Variants in DNAH3 observed in about 807,000 individuals in gnomAD.
DNAH3 encodes the protein dynein axonemal heavy chain 3.
Under a neutral mutation model 432.5 loss-of-function variants are expected in DNAH3, and 332 were observed. The ratio of observed to expected loss-of-function variants is 0.77; its 90% CI spans 0.70 to 0.84. The LOEUF (loss-of-function observed/expected upper bound fraction) is 0.84. DNAH3 is among the 40% of genes least tolerant of loss of function. The pLI is 0.00. For synonymous variants in DNAH3, 1,956 were observed against 1,900.2 expected (o/e 1.03, Z -0.76); for missense variants, 4,861 against 5,114.0 (o/e 0.95, Z 1.51).
Position 20,985,895 on chromosome 16 carries a change from G to A in DNAH3, c.7027-180C>T, listed in dbSNP as rs189502284. On this transcript the variant is annotated intron_variant, in intron 47 of 61. Transcript: ENST00000261383. ...TTTTGAGACAGAGTCTCACTCTGTC[G>A]CCCAGGCTGGGGTGCAATGGTGTGA... 3.2e-4 allele frequency among the ~76,000 whole-genome samples: 48 copies of A among 151,934 alleles called. 1 individual carries two copies. Among genetic ancestry groups the A allele is most frequent in the African/African-American group, 1.1e-3 (45 of 41,448 alleles).
chr16:21,061,229 G>GT (rs2090347085), intron 25 of DNAH3, among the ~76,000 whole-genome samples: 1 of 128,822 alleles, frequency 7.8e-6, no homozygotes, highest in Non-Finnish European at 1.6e-5. Flanking sequence ...GGGGCGATAG[G>GT]CCTTTTTTTT....
At chr16:21,011,209 C>T (rs529431311) in intron 41 of DNAH3, among the ~76,000 whole-genome samples, 2 of 152,242 alleles carry the variant, frequency 1.3e-5, no homozygotes, top group South Asian at 4.1e-4. Context: ...CATGTACCAT[C>T]TCTGCAGACA....
At chr16:20,952,724 T>C (rs181218008) in intron 55 of DNAH3, among the ~76,000 whole-genome samples, 175 bp from the exon 56 acceptor site, 6 of 152,320 alleles carry the variant, frequency 3.9e-5, no homozygotes, top group Non-Finnish European at 8.8e-5. Flanking sequence ...ATGGGAGCCA[T>C]TCTGCCTGAG....
At chr16:20,987,213 C>T in intron 47 of DNAH3, 92 bp downstream of exon 47, 2 of 1,505,204 alleles carry the variant, frequency 1.3e-6, no homozygotes, top group Admixed American at 1.8e-5. Flanking sequence ...AGCTGGCAGT[C>T]TCCAACAGGA....
At chr16:21,086,787 A>G in intron 19 of DNAH3, 62 bp downstream of exon 19, 1 of 1,460,522 alleles carries the variant, frequency 6.8e-7, no homozygotes. Flanking sequence ...CTGCCTTCCC[A>G]AGGACAGTCA....
chr16:20,939,414 C>G (rs965212055), intron 59 of DNAH3, among the ~76,000 whole-genome samples: 3 of 152,138 alleles, frequency 2.0e-5, no homozygotes, highest in African/African-American at 7.2e-5. Context: ...GAGTTCGAGA[C>G]CAGCCTGGCC....
chr16:20,937,840 C>G (rs1000034165), intron 59 of DNAH3, among the ~76,000 whole-genome samples: 1 of 151,870 alleles, frequency 6.6e-6, no homozygotes, highest in Non-Finnish European at 1.5e-5. Context: ...CCTTTTTTAT[C>G]GACTATAAGG....
chr16:21,039,123 GAT>G (rs899538642), intron 33 of DNAH3, among the ~76,000 whole-genome samples: 4 of 151,248 alleles, frequency 2.6e-5, no homozygotes, highest in African/African-American at 7.3e-5. Flanking sequence ...ACTTGAATGA[GAT>G]ATAACCTAGT....
intron 5 of DNAH3, among the ~76,000 whole-genome samples, chr16:21,137,150 AC>A (rs1297303309): frequency 1.1e-4 from 16 of 151,754 alleles, no homozygotes; most frequent in Non-Finnish European, 1.9e-4. Flanking sequence ...AAACAAAAAA[AC>A]ATTAGATTTT....
At chr16:21,106,781 G>GAA in intron 14 of DNAH3, 107 bp from the exon 15 acceptor site, 1 of 962,408 alleles carries the variant, frequency 1.0e-6, no homozygotes, top group Non-Finnish European at 1.4e-6. Flanking sequence ...ATTCCTATTT[G>GAA]AAAAAAAAAG....
At chr16:20,980,681 C>A (rs1263661689) in intron 49 of DNAH3, among the ~76,000 whole-genome samples, 1 of 151,994 alleles carries the variant, frequency 6.6e-6, no homozygotes, top group Non-Finnish European at 1.5e-5. Context: ...AAACACCATG[C>A]CCAGCCAATT....
Position 21,036,991 on chromosome 16 carries a change from C to A in DNAH3, c.4951-143G>T, listed in dbSNP as rs547344889. 65 of 668,216 alleles carry A rather than the reference C, an allele frequency of 9.7e-5. No individual in the cohort carries two copies. In the African/African-American group the frequency reaches 1.1e-3, roughly 12 times the overall value. 41.4% of individuals were successfully genotyped at this position (668,216 alleles called of 1,614,324 possible). The stretch of plus-strand genomic sequence containing the variant: ...TTTTTCTTGCACCAAAACTTTTCTA[C>A]AATTACAAATGAAAATGCTATTTAT... On this transcript the variant is annotated intron_variant, in intron 34 of 61. Coordinates refer to ENST00000261383, the Ensembl canonical transcript of DNAH3.
chr16:21,041,583 G>A (rs763438223), intron 32 of DNAH3, among the ~76,000 whole-genome samples: 2 of 152,158 alleles, frequency 1.3e-5, no homozygotes, highest in South Asian at 2.1e-4. Context: ...GGATATGGGC[G>A]TAGCTGGGTC....
chr16:21,111,805 C>T lies in DNAH3; in HGVS notation c.1921-1G>A. On this transcript the variant is annotated splice_acceptor_variant, in intron 13 of 61. Transcript: ENST00000261383. LOFTEE classifies it high-confidence loss of function. ...TCCGTTTCTTTATGGCATTGATCTT[C>T]TGCAGAAAGGAGCACATTCAGTAGC... 6.2e-7 allele frequency: 1 copy of T among 1,612,256 alleles called. No individual in the cohort carries two copies. The highest frequency in any genetic ancestry group is 8.5e-7 in the Non-Finnish European group (1 of 1,178,812).
chr16:21,121,231 A>G, intron 10 of DNAH3: 1 of 372,750 alleles, frequency 2.7e-6, no homozygotes, highest in Non-Finnish European at 5.2e-6. Context: ...GAAAAGATGG[A>G]GCTAAAAGGA....
In DNAH3 at chr16:20,952,324, T is replaced by C. The variant is rs540887182; in HGVS notation, c.11188+109A>G. On this transcript the variant is annotated intron_variant, in intron 56 of 61. Coordinates refer to ENST00000261383, the Ensembl canonical transcript of DNAH3. ...AGCATTAGTAAGAGCTCGATGTTTA[T>C]GGTGAGGGAGGGAGGGAGTACATAA... The C allele has an allele frequency of 8.8e-5, 62 of 704,774 alleles. No individual in the cohort carries two copies. The African/African-American group carries it at 1.0e-3, about 11-fold the overall frequency. 43.7% of individuals were successfully genotyped at this position (704,774 alleles called of 1,614,324 possible).
chr16:21,104,574 T>C (rs2091906210), intron 15 of DNAH3: 1 of 1,607,320 alleles, frequency 6.2e-7, no homozygotes, highest in African/African-American at 1.3e-5. Context: ...AACAGAGTGC[T>C]GTTCAATTTG....
chr16:20,988,369 C>G (rs1567592664), intron 44 of DNAH3, among the ~76,000 whole-genome samples: 1 of 152,224 alleles, frequency 6.6e-6, no homozygotes, highest in East Asian at 1.9e-4. Flanking sequence ...GGAAGTTCTA[C>G]TGAGTGCTAG....
intron 41 of DNAH3, among the ~76,000 whole-genome samples, chr16:21,018,613 G>A (rs1482904216): frequency 6.6e-6 from 1 of 152,172 alleles, no homozygotes; most frequent in Non-Finnish European, 1.5e-5. Flanking sequence ...TATAACTGCA[G>A]GCCCGGTGCA....
Sources: gnomAD v4.1 joint callset for allele counts (sites outside exome capture counted in the v4.1 genomes callset) on GRCh38, gnomAD v4.1.1 for gene constraint, MANE v1.5 for transcripts, NCBI Gene and HGNC (gene_info 2026-07-23, HGNC 2026-07-21) for gene names.